SBSPON: variants seen among roughly 807,000 people sequenced by gnomAD.
SBSPON encodes somatomedin B and thrombospondin type 1 domain containing, also known as somatomedin-B and thrombospondin type-1 domain-containing protein.
Under a neutral mutation model 35.8 loss-of-function variants are expected in SBSPON, and 30 were observed. That is an observed-to-expected ratio of 0.84 (90% CI 0.63 to 1.14). The LOEUF (loss-of-function observed/expected upper bound fraction) is 1.14. SBSPON is among the 50% of genes most tolerant of loss of function. The probability of loss-of-function intolerance (pLI) is 0.00; values close to 1 mark genes in which losing one functional copy is unlikely to be tolerated. For synonymous variants in SBSPON, 136 were observed against 135.9 expected (o/e 1.00, Z 0.00); for missense variants, 364 against 357.7 (o/e 1.02, Z -0.14).
intron 1 of SBSPON, among the ~76,000 whole-genome samples, chr8:73,088,571 A>T (rs770299031): frequency 2.6e-5 from 4 of 151,972 alleles, no homozygotes; most frequent in Non-Finnish European, 5.9e-5. Context: ...CTACTCCGGG[A>T]GCTGAGGTGG....
rs377667705 is a variant in SBSPON at position 73,071,874 on chromosome 8, G to A, written c.410-4C>T. ...GAGGTAGTTATAAAGGCAGGAACTGGAAAAGGGAGATTTCTGTTGAATTCA... is the reference window on the plus strand; with the variant it reads ...GAGGTAGTTATAAAGGCAGGAACTGAAAAAGGGAGATTTCTGTTGAATTCA... On this transcript the variant is annotated splice_region_variant and splice_polypyrimidine_tract_variant and intron_variant, in intron 2 of 4. Coordinates refer to ENST00000297354, the MANE Select transcript of SBSPON (RefSeq NM_153225.4). 3.3e-4 allele frequency: 522 copies of A among 1,591,778 alleles called. No homozygotes were observed. The highest frequency in any genetic ancestry group is 5.0e-4 in the Middle Eastern group (3 of 6,040).
chr8:73,084,263 A>G (rs1159391306), intron 1 of SBSPON, among the ~76,000 whole-genome samples: 1 of 152,236 alleles, frequency 6.6e-6, no homozygotes, highest in Admixed American at 6.5e-5. Context: ...AAAGGAGAAT[A>G]AGTTATATAT....
At position 73,069,838 on chromosome 8, in the gene SBSPON, A is replaced by C; in HGVS notation, c.644T>G (p.Leu215Arg). 3.1e-6 allele frequency: 5 copies of C among 1,614,140 alleles called. No individual in the cohort carries two copies. The highest frequency in any genetic ancestry group is 4.2e-6 in the Non-Finnish European group (5 of 1,179,946). The change falls in exon 4 of 5, where the codon CTT (leucine) becomes CGT (arginine). Residue 215 changes from leucine to arginine, a missense_variant. By Grantham distance (102) the Leu-to-Arg change is moderately radical (BLOSUM62 -2). Transcript: ENST00000297354. ...GTCCAGGCCATCTCCAGAACAACGA[A>C]GGCTCACAGAGTTCATAGCTGGAGG... Reference protein sequence around the residue: ...CQPPAMNSVSLRCSGDGLDSD... With the variant: ...CQPPAMNSVSRRCSGDGLDSD...
chr8:73,087,144 G>A (rs977794677), intron 1 of SBSPON, among the ~76,000 whole-genome samples: 12 of 152,278 alleles, frequency 7.9e-5, no homozygotes, highest in Middle Eastern at 3.4e-3. Context: ...GGCCTACCCC[G>A]CAAAGCACAC....
chr8:73,078,605 G>C (rs1290180980), intron 2 of SBSPON, among the ~76,000 whole-genome samples: 2 of 152,118 alleles, frequency 1.3e-5, no homozygotes, highest in Non-Finnish European at 2.9e-5. Context: ...CACAGGAGTA[G>C]GTGGGCTGCT....
At chr8:73,089,559 C>CAAAA (rs57649090) in intron 1 of SBSPON, among the ~76,000 whole-genome samples, 1 of 112,346 alleles carries the variant, frequency 8.9e-6, no homozygotes. Context: ...GACTCCGTCT[C>CAAAA]AAAAAAAAAA....
chr8:73,083,539 G>A (rs565168783), intron 1 of SBSPON, among the ~76,000 whole-genome samples: 21 of 152,316 alleles, frequency 1.4e-4, no homozygotes, highest in African/African-American at 2.2e-4. Context: ...AGGGAAGTAC[G>A]GAAACCTCTG....
chr8:73,083,302 A>G (rs1003549469), intron 1 of SBSPON, among the ~76,000 whole-genome samples: 12 of 152,250 alleles, frequency 7.9e-5, no homozygotes, highest in Non-Finnish European at 7.3e-5. Context: ...GTCCAGAACA[A>G]TGACATCTCA....
At chr8:73,088,610 A>G (rs2130041584) in intron 1 of SBSPON, among the ~76,000 whole-genome samples, 1 of 152,182 alleles carries the variant, frequency 6.6e-6, no homozygotes, top group South Asian at 2.1e-4. Flanking sequence ...GTGAAGCAGA[A>G]GTGTGGAGGT....
At position 73,081,110 on chromosome 8, in the gene SBSPON, C is replaced by T; in HGVS notation, c.318G>A (p.Gln106=). ...GGGGTGGGCAGGGCGCCCCGCCGTTCTGAGGCTCCTGCTGCACCGAGCGCC... is the reference window on the plus strand; with the variant it reads ...GGGGTGGGCAGGGCGCCCCGCCGTTTTGAGGCTCCTGCTGCACCGAGCGCC... ...VRRRSVQQEP[Q]NGGAPCPPLE... Residue 106 remains glutamine, a synonymous_variant, in exon 2 of 5, where the codon CAG becomes CAA. Transcript: ENST00000297354. 6.2e-7 allele frequency: 1 copy of T among 1,613,558 alleles called. No individual in the cohort carries two copies. Among genetic ancestry groups the T allele is most frequent in the Non-Finnish European group, 8.5e-7 (1 of 1,179,734 alleles).
chr8:73,065,796 T>C lies in SBSPON; in HGVS notation c.*1545A>G, dbSNP rs1333873991. On this transcript the variant is annotated 3_prime_UTR_variant, in exon 5 of 5. Transcript: ENST00000297354. ...TCTGTCTCAAAGAAAAAAAAACTTT[T>C]AAGTAACATTGGAAATTACCCAGAC... 3 of 152,046 alleles carry C rather than the reference T, an allele frequency of 2.0e-5. No individual in the cohort carries two copies. The highest frequency in any genetic ancestry group is 4.4e-5 in the Non-Finnish European group (3 of 68,000). 9.4% of individuals were successfully genotyped at this position (152,046 alleles called of 1,614,324 possible). A position where few individuals can be genotyped will look rare whatever the true frequency, so the allele number is the denominator to read the frequency against.
chr8:73,066,493 G>GA lies in SBSPON; in HGVS notation c.*847dup, dbSNP rs151188079. The GA allele has an allele frequency of 6.6e-6, 1 of 151,886 alleles. No individual in the cohort carries two copies. Among genetic ancestry groups the GA allele is most frequent in the South Asian group, 2.1e-4 (1 of 4,820 alleles). The allele number at this position is 151,886 out of a possible 1,614,324, so 9.4% of individuals were successfully genotyped here. A position where few individuals can be genotyped will look rare whatever the true frequency, so the allele number is the denominator to read the frequency against. The stretch of plus-strand genomic sequence containing the variant: ...AAACATTAGAAAATGCATGCGGTAG[G>GA]AAAAAAATAGTGAGCTTACATCAAC... On this transcript the variant is annotated 3_prime_UTR_variant, in exon 5 of 5. Transcript: ENST00000297354.
rs375795680 is a variant in SBSPON, at chr8:73,081,085, G to C, written c.343C>G (p.Leu115Val). ...PQNGGAPCPP[L>V]EERAGCLEYS... is the part of the protein sequence containing the mutation. ...TCCAGGCAGCCAGCTCTCTCTTCCAGGGGTGGGCAGGGCGCCCCGCCGTTC... is the reference window on the plus strand; with the variant it reads ...TCCAGGCAGCCAGCTCTCTCTTCCACGGGTGGGCAGGGCGCCCCGCCGTTC... The change falls in exon 2 of 5, where the codon CTG (leucine) becomes GTG (valine). Residue 115 changes from leucine (L) to valine (V), a missense_variant. Coordinates refer to ENST00000297354, the MANE Select transcript of SBSPON (RefSeq NM_153225.4). 1 of 1,612,898 alleles carries C rather than the reference G, an allele frequency of 6.2e-7. No homozygotes were observed. Among genetic ancestry groups the C allele is most frequent in the African/African-American group, 1.3e-5 (1 of 74,914 alleles).
intron 2 of SBSPON, among the ~76,000 whole-genome samples, chr8:73,078,070 C>T (rs765472020): frequency 3.3e-5 from 5 of 152,184 alleles, no homozygotes; most frequent in East Asian, 1.9e-4. Flanking sequence ...GCCTCTGTCA[C>T]GCTTGGGCTA....
chr8:73,069,962 T>C lies in SBSPON; in HGVS notation c.520A>G (p.Thr174Ala), dbSNP rs1563485827. 1 of 1,597,192 alleles carries C rather than the reference T, an allele frequency of 6.3e-7. No homozygotes were observed. The highest frequency in any genetic ancestry group is 8.5e-7 in the Non-Finnish European group (1 of 1,170,896). ...GCACAGTGAGGAGTCAAGGACTCTG[T>C]CTTAAACTCCATACAGTATCTACAG... is the stretch of plus-strand genomic sequence containing the variant. ...EDAGYCMEFK[T>A]ESLTPHCALE... is the part of the protein sequence containing the mutation. Residue 174 changes from threonine to alanine, a missense_variant, in exon 4 of 5, where the codon ACA becomes GCA. Transcript: ENST00000297354.
At chr8:73,067,868 C>G (rs1231436752) in intron 4 of SBSPON, among the ~76,000 whole-genome samples, 1 of 150,208 alleles carries the variant, frequency 6.7e-6, no homozygotes, top group Non-Finnish European at 1.5e-5. Context: ...TTAATGATCA[C>G]AAACAGAGTT....
At chr8:73,070,398 G>A (rs780887584) in intron 3 of SBSPON, among the ~76,000 whole-genome samples, 4 of 152,148 alleles carry the variant, frequency 2.6e-5, no homozygotes, top group Non-Finnish European at 4.4e-5. Context: ...CTAAAAATGT[G>A]AGCCCAGGAG....
chr8:73,076,360 G>C (rs1810594774), intron 2 of SBSPON, among the ~76,000 whole-genome samples: 1 of 152,182 alleles, frequency 6.6e-6, no homozygotes, highest in East Asian at 1.9e-4. Flanking sequence ...AATTAAGGTT[G>C]CTGCTCAGCT....
chr8:73,069,050 C>T (rs1810444465), intron 4 of SBSPON, among the ~76,000 whole-genome samples: 1 of 152,124 alleles, frequency 6.6e-6, no homozygotes, highest in Non-Finnish European at 1.5e-5. Context: ...CCTGCAAAGT[C>T]AAAAATATCT....
Sources: allele counts gnomAD v4.1 joint callset (sites outside exome capture counted in the v4.1 genomes callset), GRCh38; gene constraint gnomAD v4.1.1; transcripts MANE v1.5; gene names NCBI Gene and HGNC (gene_info 2026-07-23, HGNC 2026-07-21).